CNTN4: variants seen among roughly 807,000 people sequenced by gnomAD.
CNTN4 encodes contactin 4, also known as contactin-4.
Under a neutral mutation model 122.5 loss-of-function variants are expected in CNTN4, and 77 were observed. The ratio of observed to expected loss-of-function variants is 0.63; its 90% CI spans 0.52 to 0.76. The LOEUF is 0.76. Among genes scored for constraint, CNTN4 ranks in the 30% least tolerant of loss-of-function variants. The pLI, the probability that CNTN4 is intolerant of heterozygous loss-of-function variation, is 0.00. For synonymous variants in CNTN4, 512 were observed against 447.0 expected, an observed-to-expected ratio of 1.15 and a Z score of -1.83; for missense variants, 1,256 against 1,259.1, an observed-to-expected ratio of 1.00 and a Z score of 0.04.
chr3:2,392,038 C>G (rs536609780), intron 3 of CNTN4, among the ~76,000 whole-genome samples: 1 of 152,144 alleles, frequency 6.6e-6, no homozygotes, highest in African/African-American at 2.4e-5. Flanking sequence ...CAGATTAGAA[C>G]TGAACCATCT....
intron 14 of CNTN4, among the ~76,000 whole-genome samples, chr3:3,005,506 T>C (rs77994774): frequency 0.028 from 4,218 of 152,306 alleles, 80 homozygotes; most frequent in Non-Finnish European, 0.043. Flanking sequence ...GCCAAATTAT[T>C]TGCCACTTTT....
At chr3:2,966,143 G>C (rs1692286189) in intron 13 of CNTN4, among the ~76,000 whole-genome samples, 1 of 152,106 alleles carries the variant, frequency 6.6e-6, no homozygotes, top group African/African-American at 2.4e-5. Flanking sequence ...AGGAGAGATG[G>C]AAGAAAGGAA....
chr3:2,529,191 G>A (rs2077508026), intron 3 of CNTN4, among the ~76,000 whole-genome samples: 1 of 152,078 alleles, frequency 6.6e-6, no homozygotes, highest in Non-Finnish European at 1.5e-5. Context: ...ACACAGGAGT[G>A]AGAAGATGAA....
At chr3:2,707,964 A>G (rs1177832827) in intron 4 of CNTN4, among the ~76,000 whole-genome samples, 1 of 152,228 alleles carries the variant, frequency 6.6e-6, no homozygotes, top group African/African-American at 2.4e-5. Flanking sequence ...TGTTACTATT[A>G]CTTCCCATAA....
chr3:2,520,259 C>CTTTTTTTTTTTTTTTTTTTTTTTT (rs397988483), intron 3 of CNTN4, among the ~76,000 whole-genome samples: 5 of 74,466 alleles, frequency 6.7e-5, no homozygotes, highest in African/African-American at 3.6e-4. Flanking sequence ...TGATTGCTTC[C>CTTTTTTTTTTTTTTTTTTTTTTTT]TTTTTTTTTT....
chr3:2,162,756 T>C (rs2036020456), intron 2 of CNTN4, among the ~76,000 whole-genome samples: 1 of 152,202 alleles, frequency 6.6e-6, no homozygotes, highest in Admixed American at 6.5e-5. Flanking sequence ...TATGGAAGTT[T>C]CCTGTACTAC....
chr3:2,106,012 G>A (rs1338154131), intron 2 of CNTN4, among the ~76,000 whole-genome samples: 5 of 152,208 alleles, frequency 3.3e-5, no homozygotes, highest in Admixed American at 1.3e-4. Flanking sequence ...GAAACCAGGC[G>A]GGGCAGTTAT....
intron 4 of CNTN4, among the ~76,000 whole-genome samples, chr3:2,606,130 T>A (rs758365637): frequency 6.6e-6 from 1 of 152,010 alleles, no homozygotes; most frequent in Non-Finnish European, 1.5e-5. Context: ...AGTTTAAATA[T>A]CGAATGGGGG....
intron 8 of CNTN4, among the ~76,000 whole-genome samples, chr3:2,867,945 T>G (rs2093742559): frequency 6.6e-6 from 1 of 152,182 alleles, no homozygotes; most frequent in African/African-American, 2.4e-5. Flanking sequence ...AATAAATATT[T>G]GTTGAATAAA....
intron 10 of CNTN4, among the ~76,000 whole-genome samples, chr3:2,895,929 AG>A (rs1251915704): frequency 1.3e-5 from 2 of 152,160 alleles, no homozygotes; most frequent in Admixed American, 1.3e-4. Flanking sequence ...GCTACTCGGG[AG>A]GCTGAGGCAG....
chr3:2,702,386 A>C (rs2086405108), intron 4 of CNTN4, among the ~76,000 whole-genome samples: 1 of 152,250 alleles, frequency 6.6e-6, no homozygotes, highest in African/African-American at 2.4e-5. Context: ...ATCATTTTGT[A>C]GGCCTGAGTT....
chr3:2,980,086 T>G (rs566544035), intron 13 of CNTN4, among the ~76,000 whole-genome samples: 1 of 152,242 alleles, frequency 6.6e-6, no homozygotes, highest in Non-Finnish European at 1.5e-5. Context: ...AACTTTTCAA[T>G]GGCTGCAACT....
At chr3:2,659,460 C>CAAAAAAAAAA (rs59025670) in intron 4 of CNTN4, among the ~76,000 whole-genome samples, 1 of 53,934 alleles carries the variant, frequency 1.9e-5, no homozygotes. Flanking sequence ...GACTCCATCT[C>CAAAAAAAAAA]AAAAAAAAAA....
intron 4 of CNTN4, among the ~76,000 whole-genome samples, chr3:2,688,424 T>C (rs1178734222): frequency 6.6e-6 from 1 of 152,222 alleles, no homozygotes; most frequent in Non-Finnish European, 1.5e-5. Context: ...ACACAAGCTG[T>C]ATTTTATCAC....
In CNTN4 at chr3:2,192,483, A is replaced by G. The variant is rs571553206; in HGVS notation, c.-145+91844A>G. Reference sequence around the variant, plus strand: ...CTTCTGCACAGCAAAAGAAACTACCATCAGAGTGAATAGGCAACCTGCAGA... The same window carrying G: ...CTTCTGCACAGCAAAAGAAACTACCGTCAGAGTGAATAGGCAACCTGCAGA... On this transcript the variant is annotated intron_variant, in intron 2 of 24. Transcript: ENST00000418658. Among the ~76,000 whole-genome samples, 4 of 152,348 alleles carry G rather than the reference A, an allele frequency of 2.6e-5. No individual in the cohort carries two copies. In the South Asian group the frequency reaches 8.3e-4, roughly 32 times the overall value.
At chr3:2,719,810 G>C (rs1220280809) in intron 4 of CNTN4, among the ~76,000 whole-genome samples, 2 of 152,114 alleles carry the variant, frequency 1.3e-5, no homozygotes. Flanking sequence ...GCCTCAGCTA[G>C]TTCTCTCAAA....
At chr3:3,001,195 G>T (rs1308093906) in intron 14 of CNTN4, among the ~76,000 whole-genome samples, 1 of 152,092 alleles carries the variant, frequency 6.6e-6, no homozygotes, top group East Asian at 1.9e-4. Flanking sequence ...GCAATAATGG[G>T]CTTCCTAACA....
chr3:3,004,367 G>C (rs1306090371), intron 14 of CNTN4, among the ~76,000 whole-genome samples: 1 of 152,024 alleles, frequency 6.6e-6, no homozygotes, highest in Non-Finnish European at 1.5e-5. Context: ...TTGGAGAATA[G>C]TCCCCCCATC....
At chr3:2,777,759 G>A (rs183837130) in intron 6 of CNTN4, among the ~76,000 whole-genome samples, 2 of 152,154 alleles carry the variant, frequency 1.3e-5, no homozygotes, top group South Asian at 2.1e-4. Context: ...TTCCAATATG[G>A]CCAGCATATT....
Sources: gnomAD v4.1 joint callset for allele counts (sites outside exome capture counted in the v4.1 genomes callset) on GRCh38, gnomAD v4.1.1 for gene constraint, MANE v1.5 for transcripts, NCBI Gene and HGNC (gene_info 2026-07-23, HGNC 2026-07-21) for gene names.